Variants in HTR4 observed in about 807,000 individuals in gnomAD.
The protein encoded by HTR4 is 5-hydroxytryptamine receptor 4.
A neutral mutation model predicts 36.8 loss-of-function variants in HTR4; 16 were observed. The ratio of observed to expected loss-of-function variants is 0.43; its 90% CI spans 0.29 to 0.66. The LOEUF (loss-of-function observed/expected upper bound fraction) is 0.66. Ranked by LOEUF, HTR4 falls within the 30% of genes least tolerant of loss-of-function variation. HTR4 has a pLI of 0.13. For synonymous variants in HTR4, 189 were observed against 185.1 expected (o/e 1.02, Z -0.17); for missense variants, 438 against 490.9 (o/e 0.89, Z 1.02).
At chr5:148,649,685 A>G (rs1483424000) in intron 1 of HTR4, among the ~76,000 whole-genome samples, 1 of 152,182 alleles carries the variant, frequency 6.6e-6, no homozygotes, top group African/African-American at 2.4e-5. Flanking sequence ...GAAAAAGCAA[A>G]GGTTTTTCTG....
chr5:148,570,183 G>T (rs966829164), intron 2 of HTR4, among the ~76,000 whole-genome samples: 18 of 152,100 alleles, frequency 1.2e-4, no homozygotes, highest in African/African-American at 4.3e-4. Flanking sequence ...TGTCAGGTTA[G>T]ATATAGGCAT....
intron 2 of HTR4, among the ~76,000 whole-genome samples, chr5:148,630,787 G>A (rs1208936416): frequency 6.6e-6 from 1 of 151,994 alleles, no homozygotes; most frequent in East Asian, 1.9e-4. Flanking sequence ...ATGTTTTTCT[G>A]AAGATTACCT....
At chr5:148,617,168 G>T (rs1459850274) in intron 2 of HTR4, among the ~76,000 whole-genome samples, 2 of 152,194 alleles carry the variant, frequency 1.3e-5, no homozygotes, top group Admixed American at 1.3e-4. Flanking sequence ...TGTTTGTGCT[G>T]TTCTCACAAT....
At chr5:148,600,162 T>C (rs1278356185) in intron 2 of HTR4, among the ~76,000 whole-genome samples, 1 of 150,614 alleles carries the variant, frequency 6.6e-6, no homozygotes, top group African/African-American at 2.4e-5. Flanking sequence ...AATAAACTCA[T>C]GAAAAAGAAA....
intron 6 of HTR4, among the ~76,000 whole-genome samples, chr5:148,506,917 C>T (rs1057482602): frequency 1.4e-4 from 21 of 152,324 alleles, no homozygotes; most frequent in African/African-American, 5.1e-4. Context: ...CACTTTTACA[C>T]TGTTGGTGGG....
chr5:148,486,980 A>T (rs917176002), intron 6 of HTR4, among the ~76,000 whole-genome samples: 1 of 152,234 alleles, frequency 6.6e-6, no homozygotes, highest in African/African-American at 2.4e-5. Context: ...AAAATCCCTG[A>T]TGCAAAACAT....
chr5:148,476,141 C>A (rs546684871), downstream of HTR4, among the ~76,000 whole-genome samples: 1 of 152,328 alleles, frequency 6.6e-6, no homozygotes, highest in East Asian at 1.9e-4. Context: ...TGCTTTGTTA[C>A]ACTCTAGCCT....
intron 2 of HTR4, among the ~76,000 whole-genome samples, chr5:148,590,287 C>CTTTTTTTTTTTTTTTTTTT (rs779077579): frequency 2.1e-4 from 7 of 33,336 alleles, no homozygotes; most frequent in Non-Finnish European, 3.2e-4. Flanking sequence ...TTTTTCTTTT[C>CTTTTTTTTTTTTTTTTTTT]TTTTTTTTTT....
chr5:148,614,843 A>G (rs1752596095), intron 2 of HTR4, among the ~76,000 whole-genome samples: 2 of 152,112 alleles, frequency 1.3e-5, no homozygotes, highest in South Asian at 4.1e-4. Flanking sequence ...AAGAAAAAGC[A>G]AACAACCCCA....
chr5:148,515,686 AT>A (rs1378742483), intron 5 of HTR4, among the ~76,000 whole-genome samples: 3 of 151,906 alleles, frequency 2.0e-5, no homozygotes, highest in African/African-American at 7.2e-5. Flanking sequence ...TGTAAGTCTT[AT>A]TTTCCCTGTT....
intron 1 of HTR4, chr5:148,645,345 TTCCAA>T (rs1753850132): frequency 6.6e-6 from 1 of 152,250 alleles, no homozygotes; most frequent in Admixed American, 6.5e-5. Flanking sequence ...CATGGCTGTG[TTCCAA>T]TAAAACTAAA....
In HTR4 at chr5:148,639,987, C is replaced by T. The variant is rs149232571; in HGVS notation, c.-47-2926G>A. The stretch of plus-strand genomic sequence containing the variant: ...CAGACATTGCCCTTTTTCTCCTCCT[C>T]CAACCTTTGAGTCCAACCTCCGAGT... On this transcript the variant is annotated intron_variant, in intron 1 of 6. Transcript: ENST00000377888. Among the ~76,000 whole-genome samples, 207 of 152,174 alleles carry T rather than the reference C, an allele frequency of 1.4e-3. 3 individuals carry two copies. In the East Asian group the frequency reaches 0.031, roughly 22 times the overall value.
intron 5 of HTR4, among the ~76,000 whole-genome samples, chr5:148,512,775 TAC>T: frequency 6.6e-6 from 1 of 152,042 alleles, no homozygotes; most frequent in Non-Finnish European, 1.5e-5. Flanking sequence ...TATAAAAAAA[TAC>T]AAAAATTAGC....
chr5:148,587,408 AGTG>A (rs1456512510), intron 2 of HTR4, among the ~76,000 whole-genome samples: 2 of 152,140 alleles, frequency 1.3e-5, no homozygotes, highest in Admixed American at 6.5e-5. Flanking sequence ...TGGTGACCAA[AGTG>A]GTCTGGCACA....
chr5:148,499,713 G>A (rs935812006), intron 6 of HTR4, among the ~76,000 whole-genome samples: 1 of 152,220 alleles, frequency 6.6e-6, no homozygotes, highest in Non-Finnish European at 1.5e-5. Flanking sequence ...ATGTTGAAGT[G>A]TAATCTCCAG....
intron 2 of HTR4, among the ~76,000 whole-genome samples, chr5:148,597,882 C>T (rs571392168): frequency 3.2e-4 from 49 of 152,304 alleles, no homozygotes; most frequent in African/African-American, 1.2e-3. Flanking sequence ...ATAACAGTGA[C>T]TGACACATAG....
intron 1 of HTR4, among the ~76,000 whole-genome samples, chr5:148,648,127 C>A (rs1753927957): frequency 6.6e-6 from 1 of 152,128 alleles, no homozygotes; most frequent in Non-Finnish European, 1.5e-5. Flanking sequence ...CTATATAGTT[C>A]TTTCAACTTT....
rs543420354 is a variant in HTR4 at position 148,498,873 on chromosome 5, TA to T, written c.1076+10582del. Among the ~76,000 whole-genome samples the T allele has an allele frequency of 3.3e-3, 501 of 152,058 alleles. 4 individuals are homozygous for T. Among genetic ancestry groups the T allele is most frequent in the African/African-American group, 0.012 (478 of 41,506 alleles). On this transcript the variant is annotated intron_variant, in intron 6 of 6. Transcript: ENST00000377888. ...CCATCTGATCTAAACTTACTTCCTT[TA>T]AAAAAAATGAGTATGAAAATGCCTT...
At chr5:148,555,451 C>T (rs1240319798) in intron 2 of HTR4, among the ~76,000 whole-genome samples, 1 of 152,132 alleles carries the variant, frequency 6.6e-6, no homozygotes, top group Non-Finnish European at 1.5e-5. Flanking sequence ...GAGTGACGAG[C>T]AAAATTTAAG....
Sources: gnomAD v4.1 joint callset for allele counts (sites outside exome capture counted in the v4.1 genomes callset) on GRCh38, gnomAD v4.1.1 for gene constraint, MANE v1.5 for transcripts, NCBI Gene and HGNC (gene_info 2026-07-23, HGNC 2026-07-21) for gene names.